BST1: variants seen among roughly 807,000 people sequenced by gnomAD.
BST1 encodes bone marrow stromal cell antigen 1.
BST1 carries 49 observed loss-of-function variants against 40.6 expected under a neutral mutation model. The ratio of observed to expected loss-of-function variants is 1.21; its 90% CI spans 0.96 to 1.53. BST1 has a LOEUF of 1.53. Among genes scored for constraint, BST1 ranks in the 40% most tolerant of loss-of-function variants. BST1 has a pLI of 0.00. For missense variants in BST1, 423 were observed against 395.9 expected (o/e 1.07, Z -0.58); for synonymous variants, 157 against 159.3 (o/e 0.99, Z 0.11).
chr4:15,753,681 A>G, the BST1 span, among the ~76,000 whole-genome samples: 1 of 152,250 alleles, frequency 6.6e-6, no homozygotes, highest in African/African-American at 2.4e-5. Flanking sequence ...ATGATGGGAC[A>G]TACATAAACT....
At chr4:15,758,765 A>AAAGCCAAAGG in the BST1 span, among the ~76,000 whole-genome samples, 1 of 152,144 alleles carries the variant, frequency 6.6e-6, no homozygotes, top group African/African-American at 2.4e-5. Context: ...ATTGTTTTAG[A>AAAGCCAAAGG]TTCTTCATTT....
chr4:15,712,144 A>G (rs900522622), intron 4 of BST1, among the ~76,000 whole-genome samples: 1 of 152,156 alleles, frequency 6.6e-6, no homozygotes, highest in Non-Finnish European at 1.5e-5. Flanking sequence ...TTAATTAGTC[A>G]TTATTATTTC....
intron 1 of BST1, chr4:15,704,958 C>G (rs750616794): frequency 1.3e-6 from 1 of 775,772 alleles, no homozygotes; most frequent in Non-Finnish European, 2.4e-6. Context: ...GTGTTACACA[C>G]CACCCAGTAT....
At chr4:15,723,021 A>T (rs1051691642) in intron 8 of BST1, 87 bp downstream of exon 8, 3 of 1,234,844 alleles carry the variant, frequency 2.4e-6, no homozygotes, top group Non-Finnish European at 3.6e-6. Flanking sequence ...TGAACATATT[A>T]TCAGAGGCAG....
intron 3 of BST1, 148 bp downstream of exon 3, chr4:15,707,794 A>G (rs1719963315): frequency 1.1e-5 from 10 of 947,046 alleles, no homozygotes; most frequent in Non-Finnish European, 1.5e-5. Context: ...AATAATAACA[A>G]TACTAGAGAA....
chr4:15,728,504 G>C (rs928845540), intron 8 of BST1, among the ~76,000 whole-genome samples: 2 of 145,106 alleles, frequency 1.4e-5, no homozygotes, highest in Non-Finnish European at 3.0e-5. Context: ...CAGGCATGGA[G>C]TGCAGTGGTG....
downstream of BST1, among the ~76,000 whole-genome samples, chr4:15,733,119 C>T (rs1291983044): frequency 6.6e-6 from 1 of 152,196 alleles, no homozygotes. Context: ...AGCTGGTTGC[C>T]ACTGCTGGCT....
At chr4:15,738,491 G>A (rs73128022), downstream of BST1, among the ~76,000 whole-genome samples, 7,434 of 152,174 alleles carry the variant, frequency 0.049, 583 homozygotes, top group African/African-American at 0.17. Context: ...ATGTTGGTCA[G>A]TATAAAAGGA....
chr4:15,714,274 G>A (rs942290639), intron 4 of BST1, among the ~76,000 whole-genome samples: 9 of 152,094 alleles, frequency 5.9e-5, no homozygotes, highest in African/African-American at 1.9e-4. Flanking sequence ...CTATACGTCA[G>A]TGCCACATAT....
chr4:15,724,026 A>G (rs1019201005), intron 8 of BST1, among the ~76,000 whole-genome samples: 3 of 152,188 alleles, frequency 2.0e-5, no homozygotes, highest in African/African-American at 7.2e-5. Flanking sequence ...CATCATACTT[A>G]TCCTGACAAT....
the BST1 span, among the ~76,000 whole-genome samples, chr4:15,771,349 G>T: frequency 2.6e-5 from 4 of 152,238 alleles, no homozygotes; most frequent in African/African-American, 9.6e-5. Flanking sequence ...GGAGGATCTG[G>T]GTAGTTCCTT....
chr4:15,757,026 C>T, the BST1 span, among the ~76,000 whole-genome samples: 121,967 of 152,210 alleles, frequency 0.8, 49,408 homozygotes, highest in East Asian at 0.98. Flanking sequence ...TTAGTAAAAC[C>T]ATCTGTATCA....
At chr4:15,755,486 T>G in the BST1 span, among the ~76,000 whole-genome samples, 1 of 152,242 alleles carries the variant, frequency 6.6e-6, no homozygotes, top group Admixed American at 6.5e-5. Flanking sequence ...GTATATTTAT[T>G]ATCTTTCATG....
intron 7 of BST1, among the ~76,000 whole-genome samples, chr4:15,720,510 G>A (rs1241248943): frequency 1.3e-5 from 2 of 151,892 alleles, no homozygotes; most frequent in African/African-American, 2.4e-5. Flanking sequence ...CCAGCTACTC[G>A]GGAGGCTGAG....
At chr4:15,760,852 CTT>C in the BST1 span, among the ~76,000 whole-genome samples, 7 of 138,750 alleles carry the variant, frequency 5.0e-5, no homozygotes, top group Admixed American at 1.4e-4. Context: ...CCACGCCTAG[CTT>C]TTTTTTTTTT....
the BST1 span, among the ~76,000 whole-genome samples, chr4:15,762,638 T>G: frequency 6.6e-6 from 1 of 152,048 alleles, no homozygotes; most frequent in South Asian, 2.1e-4. Context: ...CTCTCTGCTA[T>G]GAGTTTGGTT....
chr4:15,773,838 A>G, the BST1 span, among the ~76,000 whole-genome samples: 12 of 152,088 alleles, frequency 7.9e-5, no homozygotes, highest in Non-Finnish European at 1.8e-4. Context: ...ACAAAAACCA[A>G]AAACAAAACA....
At chr4:15,761,081 G>A in the BST1 span, among the ~76,000 whole-genome samples, 4 of 151,828 alleles carry the variant, frequency 2.6e-5, no homozygotes, top group Admixed American at 6.6e-5. Flanking sequence ...TTTCGCTCTT[G>A]TTGCCCAGGC....
Position 15,705,457 on chromosome 4 carries a change from T to G in BST1, c.189-58T>G. The G allele has an allele frequency of 2.0e-6, 3 of 1,512,802 alleles. No homozygotes were observed. In the South Asian group the frequency reaches 4.0e-5, roughly 20 times the overall value. 93.7% of individuals were successfully genotyped at this position (1,512,802 alleles called of 1,614,324 possible). A position where few individuals can be genotyped will look rare whatever the true frequency, so the allele number is the denominator to read the frequency against. The stretch of plus-strand genomic sequence containing the variant: ...AAAGCTCTTAGACAAATGGGCATAC[T>G]TCACAACACATTATGATGTGCATGT... On this transcript the variant is annotated intron_variant, in intron 1 of 8. Transcript: ENST00000265016.
Sources: allele counts gnomAD v4.1 joint callset (sites outside exome capture counted in the v4.1 genomes callset), GRCh38; gene constraint gnomAD v4.1.1; transcripts MANE v1.5; gene names NCBI Gene and HGNC (gene_info 2026-07-23, HGNC 2026-07-21).